The following SNX29 variants were observed in gnomAD, a reference collection of about 807,000 sequenced individuals.
SNX29 encodes the protein sorting nexin 29.
In SNX29, 78 loss-of-function variants were observed where a neutral mutation model predicts 102.1. The ratio of observed to expected loss-of-function variants is 0.76; its 90% CI spans 0.64 to 0.92. The LOEUF is 0.92. Among genes scored for constraint, SNX29 ranks in the 40% least tolerant of loss-of-function variants. The probability of loss-of-function intolerance (pLI) is 0.00; values close to 1 mark genes in which losing one functional copy is unlikely to be tolerated. For missense variants in SNX29, 1,280 were observed against 1,061.7 expected (o/e 1.21, Z -2.86); for synonymous variants, 580 against 414.5 (o/e 1.40, Z -4.85).
At chr16:12,010,306 G>A (rs1161354427) in intron 3 of SNX29, among the ~76,000 whole-genome samples, 1 of 152,164 alleles carries the variant, frequency 6.6e-6, no homozygotes, top group Non-Finnish European at 1.5e-5. Flanking sequence ...GTTGGCTTCA[G>A]GTATTCATCT....
chr16:12,274,274 T>C (rs2079177932), intron 14 of SNX29, among the ~76,000 whole-genome samples: 1 of 152,222 alleles, frequency 6.6e-6, no homozygotes, highest in African/African-American at 2.4e-5. Flanking sequence ...AGAAACCCTA[T>C]GCCATTTCTA....
chr16:12,252,191 A>G (rs1188330150), intron 14 of SNX29, among the ~76,000 whole-genome samples: 1 of 152,218 alleles, frequency 6.6e-6, no homozygotes, highest in Non-Finnish European at 1.5e-5. Context: ...ATTGAGTGAC[A>G]AAGGAAACAG....
chr16:12,175,261 C>T (rs569918439), intron 13 of SNX29, among the ~76,000 whole-genome samples: 5 of 152,184 alleles, frequency 3.3e-5, no homozygotes, highest in East Asian at 1.9e-4. Context: ...GCCTACCCCC[C>T]GAATATATAT....
chr16:12,393,698 A>C (rs2083619332), intron 16 of SNX29, among the ~76,000 whole-genome samples: 1 of 152,262 alleles, frequency 6.6e-6, no homozygotes, highest in African/African-American at 2.4e-5. Context: ...GAGAAGAGCT[A>C]ACCTTACAGA....
At position 12,332,286 on chromosome 16, in the gene SNX29, G is replaced by C. The variant is rs541552291; in HGVS notation, c.1783-23877G>C. On this transcript the variant is annotated intron_variant, in intron 15 of 20. Transcript: ENST00000566228. ...TGTGCACGGGCATATGCATGCACAA[G>C]TGCGTGTCTTCAGCTCGTTGCCAAA... 3.9e-5 allele frequency among the ~76,000 whole-genome samples: 6 copies of C among 152,280 alleles called. No individual in the cohort carries two copies. The South Asian group carries it at 8.3e-4, about 21-fold the overall frequency.
chr16:12,004,320 G>A (rs1020872438), intron 3 of SNX29, among the ~76,000 whole-genome samples: 48 of 150,302 alleles, frequency 3.2e-4, no homozygotes, highest in African/African-American at 1.1e-3. Flanking sequence ...TAGCCTGGGC[G>A]ACAGAGCAAG....
chr16:12,491,726 G>A (rs573696788), intron 19 of SNX29, among the ~76,000 whole-genome samples: 1 of 150,650 alleles, frequency 6.6e-6, no homozygotes, highest in African/African-American at 2.5e-5. Context: ...TCCCCTTCCT[G>A]TGTCCATGTG....
At chr16:12,546,935 G>C (rs144764905) in intron 20 of SNX29, among the ~76,000 whole-genome samples, 2 of 152,212 alleles carry the variant, frequency 1.3e-5, no homozygotes, top group African/African-American at 2.4e-5. Context: ...CAGGGATGAA[G>C]AGAAAATAAA....
At chr16:12,344,536 G>A (rs559423687) in intron 15 of SNX29, among the ~76,000 whole-genome samples, 1 of 152,260 alleles carries the variant, frequency 6.6e-6, no homozygotes, top group Non-Finnish European at 1.5e-5. Context: ...TGGAATGAAT[G>A]AATAAATGAA....
chr16:12,554,676 G>C (rs1049024572), intron 20 of SNX29, among the ~76,000 whole-genome samples: 2 of 152,168 alleles, frequency 1.3e-5, no homozygotes, highest in African/African-American at 4.8e-5. Context: ...CCACAGGGAT[G>C]CCAATTCTCA....
chr16:12,348,530 C>G (rs1488409819), intron 15 of SNX29, among the ~76,000 whole-genome samples: 1 of 151,444 alleles, frequency 6.6e-6, no homozygotes, highest in African/African-American at 2.5e-5. Context: ...GCGCCTTTCC[C>G]CGGCTCTGTG....
intron 1 of SNX29, chr16:11,977,095 A>G (rs1834869051): frequency 2.7e-6 from 1 of 367,906 alleles, no homozygotes; most frequent in Non-Finnish European, 4.8e-6. Flanking sequence ...CAGTCCTGCG[A>G]TCCCCTTGCC....
intron 15 of SNX29, among the ~76,000 whole-genome samples, chr16:12,320,770 T>C (rs151214784): frequency 1.3e-5 from 2 of 152,318 alleles, no homozygotes; most frequent in African/African-American, 4.8e-5. Context: ...TGACACTGAC[T>C]CTTCCTTCCA....
chr16:12,132,172 C>T (rs900680921), intron 13 of SNX29, among the ~76,000 whole-genome samples: 1 of 151,240 alleles, frequency 6.6e-6, no homozygotes, highest in Non-Finnish European at 1.5e-5. Context: ...GATCTCGGCT[C>T]ACTGCAACCT....
intron 18 of SNX29, among the ~76,000 whole-genome samples, chr16:12,413,048 C>A (rs1050330355): frequency 1.3e-5 from 2 of 152,120 alleles, no homozygotes; most frequent in African/African-American, 2.4e-5. Flanking sequence ...CATGTTGTCA[C>A]GTTTGCTCAT....
At chr16:12,072,819 G>A (rs1211495500) in intron 10 of SNX29, among the ~76,000 whole-genome samples, 6 of 152,078 alleles carry the variant, frequency 3.9e-5, no homozygotes, top group African/African-American at 1.2e-4. Flanking sequence ...TGGTTGGTAA[G>A]CTATTGATTA....
At chr16:12,386,471 A>T (rs1004422753) in intron 16 of SNX29, among the ~76,000 whole-genome samples, 1 of 152,196 alleles carries the variant, frequency 6.6e-6, no homozygotes, top group East Asian at 1.9e-4. Context: ...TCGCAATGTG[A>T]ACTGGGTGGC....
intron 14 of SNX29, among the ~76,000 whole-genome samples, chr16:12,213,078 C>G: frequency 6.6e-6 from 1 of 152,130 alleles, no homozygotes; most frequent in East Asian, 1.9e-4. Context: ...CGTGCCACTG[C>G]ACTCCAGCCT....
At chr16:12,556,101 G>C (rs891480100) in intron 20 of SNX29, among the ~76,000 whole-genome samples, 2 of 152,116 alleles carry the variant, frequency 1.3e-5, no homozygotes, top group African/African-American at 2.4e-5. Context: ...CTTTCATTGA[G>C]AAGTATGGGT....
Sources: allele counts gnomAD v4.1 joint callset (sites outside exome capture counted in the v4.1 genomes callset), GRCh38; gene constraint gnomAD v4.1.1; transcripts MANE v1.5; gene names NCBI Gene and HGNC (gene_info 2026-07-23, HGNC 2026-07-21).